AKAP13: variants seen among roughly 807,000 people sequenced by gnomAD.
AKAP13 encodes the protein A-kinase anchoring protein 13, also known as A-kinase anchor protein 13.
In AKAP13, 80 loss-of-function variants were observed where a neutral mutation model predicts 264.5. That is an observed-to-expected ratio of 0.30 (90% CI 0.25 to 0.36). The LOEUF (loss-of-function observed/expected upper bound fraction) is 0.36, where lower values mean the gene tolerates loss of function less well. Ranked by LOEUF, AKAP13 falls within the 10% of genes least tolerant of loss-of-function variation. The pLI is 1.00. For synonymous variants in AKAP13, 1,380 were observed against 1,250.2 expected (o/e 1.10, Z -2.19); for missense variants, 3,712 against 3,435.2 (o/e 1.08, Z -2.01).
At chr15:85,429,208 G>C (rs150196473) in intron 1 of AKAP13, among the ~76,000 whole-genome samples, 1 of 152,220 alleles carries the variant, frequency 6.6e-6, no homozygotes, top group African/African-American at 2.4e-5. Context: ...CCCCCTATCT[G>C]TTTTCCCTGG....
At chr15:85,690,941 T>C (rs751199481) in intron 16 of AKAP13, among the ~76,000 whole-genome samples, 2 of 152,220 alleles carry the variant, frequency 1.3e-5, no homozygotes, top group Non-Finnish European at 2.9e-5. Flanking sequence ...ATTGGGTTGT[T>C]GTGAGAAAAT....
intron 16 of AKAP13, among the ~76,000 whole-genome samples, chr15:85,687,910 C>A (rs2085037464): frequency 6.6e-6 from 1 of 151,746 alleles, no homozygotes. Context: ...CGTAGTGGCA[C>A]ACACCTGTAG....
intron 14 of AKAP13, among the ~76,000 whole-genome samples, chr15:85,671,849 C>T (rs529630082): frequency 1.1e-4 from 16 of 152,286 alleles, no homozygotes; most frequent in African/African-American, 3.1e-4. Context: ...GGATATTGTA[C>T]TTCTACAGCA....
rs192210770 is a variant in AKAP13, at chr15:85,720,168, A to G, written c.6252+842A>G. 3.9e-4 allele frequency among the ~76,000 whole-genome samples: 59 copies of G among 152,182 alleles called. No individual in the cohort carries two copies. The Middle Eastern group carries it at 0.01, about 26-fold the overall frequency. On this transcript the variant is annotated intron_variant, in intron 23 of 36. Transcript: ENST00000394518. ...AGGATCACTTGAGCCTAGGAGTTCA[A>G]AGTTGCAGCGAGCCATGGTGATGCT... is the stretch of plus-strand genomic sequence containing the variant.
intron 8 of AKAP13, among the ~76,000 whole-genome samples, chr15:85,598,190 C>G (rs1267422345): frequency 3.9e-5 from 6 of 152,096 alleles, no homozygotes; most frequent in Admixed American, 3.9e-4. Flanking sequence ...TTTGGACTCC[C>G]CCTGCCATGC....
At chr15:85,476,274 T>C (rs1214105734) in intron 1 of AKAP13, among the ~76,000 whole-genome samples, 1 of 151,908 alleles carries the variant, frequency 6.6e-6, no homozygotes, top group Non-Finnish European at 1.5e-5. Context: ...ACCAGAGGGG[T>C]AGTGGGGGCA....
In AKAP13 at chr15:85,682,761, A is replaced by G. The variant is rs183751729; in HGVS notation, c.5156+549A>G. Among the ~76,000 whole-genome samples, 19 of 151,990 alleles carry G rather than the reference A, an allele frequency of 1.3e-4. No individual in the cohort carries two copies. The East Asian group carries it at 3.3e-3, about 26-fold the overall frequency. ...TGGCTCACTGCAACCTCTGCCTCCC[A>G]GGTTCAAGCCATTCTCCTGCCTCAG... On this transcript the variant is annotated intron_variant, in intron 15 of 36. Transcript: ENST00000394518.
intron 35 of AKAP13, among the ~76,000 whole-genome samples, chr15:85,742,459 C>T (rs1329226926): frequency 6.6e-6 from 1 of 152,178 alleles, no homozygotes; most frequent in Non-Finnish European, 1.5e-5. Flanking sequence ...CGGTGGGAGG[C>T]AGTTACAGAG....
At position 85,737,641 on chromosome 15, in the gene AKAP13, T is replaced by A. The variant is rs553118480; in HGVS notation, c.7557+1507T>A. On this transcript the variant is annotated intron_variant, in intron 33 of 36. Transcript: ENST00000394518. Reference sequence around the variant, plus strand: ...GTCCTGAAGGAATCCTTCAGTGTGCTTATCTTTAAATGACAAACCTGAGCT... The same window carrying A: ...GTCCTGAAGGAATCCTTCAGTGTGCATATCTTTAAATGACAAACCTGAGCT... 3.9e-5 allele frequency among the ~76,000 whole-genome samples: 6 copies of A among 152,286 alleles called. No homozygotes were observed. In the South Asian group the frequency reaches 1.2e-3, roughly 32 times the overall value.
At chr15:85,577,831 T>C in intron 6 of AKAP13, 1 of 985,408 alleles carries the variant, frequency 1.0e-6, no homozygotes, top group Non-Finnish European at 1.2e-6. Flanking sequence ...TAAGTTAGAT[T>C]GGTTGGAACA....
chr15:85,722,453 T>A, intron 25 of AKAP13, 106 bp downstream of exon 25: 2 of 911,890 alleles, frequency 2.2e-6, no homozygotes, highest in Non-Finnish European at 3.3e-6. Flanking sequence ...TTAGTATGTC[T>A]AAAAGAGACC....
chr15:85,664,409 T>G (rs761733815), intron 12 of AKAP13, among the ~76,000 whole-genome samples, 154 bp from the exon 13 acceptor site: 1 of 152,194 alleles, frequency 6.6e-6, no homozygotes, highest in Non-Finnish European at 1.5e-5. Flanking sequence ...GAAAGGTAGG[T>G]AGTATTCTTT....
intron 1 of AKAP13, among the ~76,000 whole-genome samples, chr15:85,401,528 G>C (rs572495439): frequency 1.6e-4 from 25 of 152,280 alleles, no homozygotes; most frequent in African/African-American, 6.0e-4. Context: ...GTGCCATTCT[G>C]CTTTTTTACT....
At position 85,581,117 on chromosome 15, in the gene AKAP13, C is replaced by G. The variant is rs373307726; in HGVS notation, c.3049C>G (p.Leu1017Val). The G allele has an allele frequency of 2.6e-4, 423 of 1,613,876 alleles. 1 individual carries two copies. Among genetic ancestry groups the G allele is most frequent in the Non-Finnish European group, 3.4e-4 (406 of 1,179,904 alleles). ...GACTCAAGGTGGGGCTGCCCAGAGC[C>G]TGGTGCCACCAGGAGCAAGTCTGGC... ...LLTQGGAAQSLVPPGASLATE... is the reference protein window; with the variant it reads ...LLTQGGAAQSVVPPGASLATE... The change falls in exon 7 of 37, where the codon CTG (leucine) becomes GTG (valine). Residue 1017 changes from leucine (L) to valine (V), a missense_variant. Physicochemically the swap from Leu to Val is conservative, Grantham distance 32. Around this residue, in one of 3 missense-constraint regions of AKAP13, gnomAD observed 2,759 missense variants for 2,411.7 expected, o/e 1.14. Coordinates refer to ENST00000394518, the MANE Select transcript of AKAP13 (RefSeq NM_007200.5).
intron 1 of AKAP13, among the ~76,000 whole-genome samples, chr15:85,426,871 A>G (rs1222866949): frequency 6.6e-6 from 1 of 151,280 alleles, no homozygotes; most frequent in Non-Finnish European, 1.5e-5. Context: ...CATCATTGGT[A>G]TGTAGTTGTG....
intron 8 of AKAP13, among the ~76,000 whole-genome samples, chr15:85,636,909 C>T (rs1319560196): frequency 1.3e-5 from 2 of 152,204 alleles, no homozygotes; most frequent in Non-Finnish European, 2.9e-5. Flanking sequence ...GCCGCCGCTC[C>T]CGGCCCCAAA....
Position 85,486,818 on chromosome 15 carries a change from G to C in AKAP13, c.33+1065G>C, listed in dbSNP as rs528824400. The stretch of plus-strand genomic sequence containing the variant: ...CAGTGGCGCGATCTTGGCTCACTGC[G>C]AGCTCCGCCTCCCAGGTTCACGCCA... On this transcript the variant is annotated intron_variant, in intron 2 of 36. Transcript: ENST00000394518. 1.0e-3 allele frequency among the ~76,000 whole-genome samples: 149 copies of C among 143,246 alleles called. 1 individual carries two copies. The highest frequency in any genetic ancestry group is 3.8e-3 in the African/African-American group (145 of 38,080). 94.0% of individuals were successfully genotyped at this position (143,246 alleles called of 152,430 possible).
At chr15:85,586,438 A>T (rs2079352345) in intron 8 of AKAP13, among the ~76,000 whole-genome samples, 1 of 152,078 alleles carries the variant, frequency 6.6e-6, no homozygotes, top group Admixed American at 6.6e-5. Context: ...AACTGGCCTC[A>T]AGTGATCCAC....
intron 7 of AKAP13, among the ~76,000 whole-genome samples, chr15:85,585,255 AGGCTTTTTCTCATTCTCAGT>A (rs1400775361): frequency 6.6e-6 from 1 of 152,180 alleles, no homozygotes; most frequent in Non-Finnish European, 1.5e-5. Flanking sequence ...CTTGTCCCAG[AGGCTTTTTCTCATTCTCAGT>A]GGCTTTTTCC....
Sources: gnomAD v4.1 joint callset for allele counts (sites outside exome capture counted in the v4.1 genomes callset) on GRCh38, gnomAD v4.1.1 for gene constraint, gnomAD v4.1.1 regional missense constraint, MANE v1.5 for transcripts, NCBI Gene and HGNC (gene_info 2026-07-23, HGNC 2026-07-21) for gene names.